Variants in EVL observed in about 807,000 individuals in gnomAD.
EVL encodes the protein Enah/Vasp-like.
A neutral mutation model predicts 59.6 loss-of-function variants in EVL; 21 were observed. That is an observed-to-expected ratio of 0.35 (90% CI 0.25 to 0.51). The LOEUF is 0.51. Among genes scored for constraint, EVL ranks in the 20% least tolerant of loss-of-function variants. The probability of loss-of-function intolerance (pLI) is 0.97; values close to 1 mark genes in which losing one functional copy is unlikely to be tolerated. For synonymous variants in EVL, 198 were observed against 203.5 expected (o/e 0.97, Z 0.23); for missense variants, 462 against 546.6 (o/e 0.85, Z 1.54).
Position 100,128,606 on chromosome 14 carries a change from T to TC in EVL, c.578dup (p.Pro194ThrfsTer104). On this transcript the variant is annotated frameshift_variant, in exon 6 of 14. Coordinates refer to ENST00000392920, the MANE Select transcript of EVL (RefSeq NM_016337.3). LOFTEE classifies it high-confidence loss of function. ...CCTCCACCGCCCCCCCCACCCCCAGTCCCACCTCCACCCACTGGGGCTACC... is the reference window on the plus strand; with the variant it reads ...CCTCCACCGCCCCCCCCACCCCCAGTCCCCACCTCCACCCACTGGGGCTACC... The TC allele has an allele frequency of 1.5e-6, 1 of 688,724 alleles. No individual in the cohort carries two copies. Among genetic ancestry groups the TC allele is most frequent in the Non-Finnish European group, 2.0e-6 (1 of 510,900 alleles). The allele number at this position is 688,724 out of a possible 1,614,324, so 42.7% of individuals were successfully genotyped here. A position where few individuals can be genotyped will look rare whatever the true frequency, so the allele number is the denominator to read the frequency against.
chr14:100,034,069 T>C (rs1775301181), intron 1 of EVL, among the ~76,000 whole-genome samples: 1 of 148,642 alleles, frequency 6.7e-6, no homozygotes, highest in Admixed American at 6.6e-5. Flanking sequence ...CTACTAAAAA[T>C]ACAAACAAAA....
At chr14:100,088,830 G>A (rs1313921968) in intron 2 of EVL, among the ~76,000 whole-genome samples, 1 of 152,154 alleles carries the variant, frequency 6.6e-6, no homozygotes, top group African/African-American at 2.4e-5. Context: ...ATTTTAAAAT[G>A]TTAATCCTTC....
chr14:100,065,222 T>TG (rs1259007834), upstream of EVL: 5 of 206,282 alleles, frequency 2.4e-5, no homozygotes, highest in Non-Finnish European at 1.9e-5. Context: ...TTGCCAGCTG[T>TG]GGGGGGTTGG....
chr14:100,059,137 A>G (rs996732187), intron 1 of EVL, among the ~76,000 whole-genome samples: 1 of 149,852 alleles, frequency 6.7e-6, no homozygotes, highest in African/African-American at 2.5e-5. Context: ...GACAAAAGCA[A>G]CTATGAAACT....
chr14:100,110,428 C>T (rs1377535135), intron 3 of EVL, among the ~76,000 whole-genome samples: 1 of 151,638 alleles, frequency 6.6e-6, no homozygotes, highest in East Asian at 1.9e-4. Flanking sequence ...GTGCCAGCAG[C>T]CATCACGTTG....
Position 100,143,686 on chromosome 14 carries a change from C to T in EVL, c.1220-15C>T, listed in dbSNP as rs765314164. On this transcript the variant is annotated splice_polypyrimidine_tract_variant and intron_variant, in intron 13 of 13. Transcript: ENST00000392920. ...GGTCATGGCTGCACCTGAGCCGCCG[C>T]CACCTGTCCCGCAGCCATCAGGCAG... 2 of 1,611,606 alleles carry T rather than the reference C, an allele frequency of 1.2e-6. No individual in the cohort carries two copies. The highest frequency in any genetic ancestry group is 1.7e-6 in the Non-Finnish European group (2 of 1,179,876).
upstream of EVL, chr14:100,065,390 A>G: frequency 2.5e-6 from 3 of 1,207,264 alleles, no homozygotes; most frequent in Non-Finnish European, 3.2e-6. Flanking sequence ...TAAGTAGGCT[A>G]TAAAAATCAA....
Position 100,127,895 on chromosome 14 carries a change from G to C in EVL, c.488-624G>C, listed in dbSNP as rs1471832551. 1.3e-5 allele frequency among the ~76,000 whole-genome samples: 2 copies of C among 152,246 alleles called. No individual in the cohort carries two copies. The highest frequency in any genetic ancestry group is 2.9e-5 in the Non-Finnish European group (2 of 68,040). ...GTTGACTGTTCCTCATAGGCTGTGA[G>C]CACCCTGAGCAGAGAGCTTGTGGCT... On this transcript the variant is annotated intron_variant, in intron 5 of 13. Transcript: ENST00000392920. This position sits in a 1 kb window ranked among gnomAD's most constrained non-coding sequence, Gnocchi z 4.2.
At chr14:100,038,169 C>T (rs4905931) in intron 1 of EVL, among the ~76,000 whole-genome samples, 93,787 of 152,066 alleles carry the variant, frequency 0.62, 32,381 homozygotes, top group Non-Finnish European at 0.76. Flanking sequence ...GCCTGGCAAC[C>T]AGCTCTGTAG....
At chr14:100,077,589 C>T (rs953114519) in intron 1 of EVL, among the ~76,000 whole-genome samples, 2 of 152,090 alleles carry the variant, frequency 1.3e-5, no homozygotes. Flanking sequence ...CATGAGGAGA[C>T]GTGAAAGCGA....
At position 100,118,027 on chromosome 14, in the gene EVL, A is replaced by C. The variant is rs538295795; in HGVS notation, c.359-5512A>C. Reference sequence around the variant, plus strand: ...AAGTACTGGGAATACAGAGGTGAGCAAAACAGTTATGTCCATGGAGTTAAA... The same window carrying C: ...AAGTACTGGGAATACAGAGGTGAGCCAAACAGTTATGTCCATGGAGTTAAA... On this transcript the variant is annotated intron_variant, in intron 3 of 13. Coordinates refer to ENST00000392920, the MANE Select transcript of EVL (RefSeq NM_016337.3). Among the ~76,000 whole-genome samples, 3 of 152,296 alleles carry C rather than the reference A, an allele frequency of 2.0e-5. No individual in the cohort carries two copies. In the East Asian group the frequency reaches 5.8e-4, roughly 29 times the overall value.
intron 1 of EVL, among the ~76,000 whole-genome samples, chr14:100,077,519 C>G (rs899991785): frequency 6.6e-6 from 1 of 152,174 alleles, no homozygotes; most frequent in East Asian, 1.9e-4. Flanking sequence ...GGAGAGCCAT[C>G]GACATGGGAT....
chr14:99,999,346 A>G (rs149308522), intron 1 of EVL, among the ~76,000 whole-genome samples: 2 of 152,354 alleles, frequency 1.3e-5, no homozygotes, highest in South Asian at 2.1e-4. Context: ...CTATGTGATC[A>G]TGAGCAAATT....
intron 12 of EVL, among the ~76,000 whole-genome samples, 162 bp from the exon 13 acceptor site, chr14:100,141,574 G>A (rs990407285): frequency 3.3e-5 from 5 of 152,168 alleles, no homozygotes; most frequent in Admixed American, 2.0e-4. Flanking sequence ...CTCCCATGCC[G>A]TCCCCCCTCA....
chr14:100,110,100 C>G, intron 3 of EVL, among the ~76,000 whole-genome samples: 1 of 152,196 alleles, frequency 6.6e-6, no homozygotes, highest in East Asian at 1.9e-4. Flanking sequence ...CAATATCAGC[C>G]GTGCACAGTG....
chr14:100,045,810 G>A (rs989954425), intron 1 of EVL, among the ~76,000 whole-genome samples: 1 of 152,200 alleles, frequency 6.6e-6, no homozygotes, highest in Non-Finnish European at 1.5e-5. Context: ...TGCCTAATGG[G>A]CAGAATGAAT....
intron 3 of EVL, among the ~76,000 whole-genome samples, chr14:100,112,521 C>T (rs1337125702): frequency 6.6e-6 from 1 of 152,176 alleles, no homozygotes; most frequent in Admixed American, 6.5e-5. Context: ...ATGCTGTGGC[C>T]CTGGCTGTCT....
chr14:100,111,974 GTTGA>G (rs1288399338), intron 3 of EVL, among the ~76,000 whole-genome samples: 1 of 152,208 alleles, frequency 6.6e-6, no homozygotes. Flanking sequence ...TTGGTCAGAG[GTTGA>G]TTATTATAAA....
chr14:100,003,649 T>C (rs1353006710), intron 1 of EVL, among the ~76,000 whole-genome samples: 1 of 152,118 alleles, frequency 6.6e-6, no homozygotes, highest in Non-Finnish European at 1.5e-5. Flanking sequence ...ACTCCTGACC[T>C]TGGGTGATCA....
Sources: gnomAD v4.1 joint callset for allele counts (sites outside exome capture counted in the v4.1 genomes callset) on GRCh38, gnomAD v4.1.1 for gene constraint, Gnocchi (gnomAD v3.1) non-coding constraint, MANE v1.5 for transcripts, NCBI Gene and HGNC (gene_info 2026-07-23, HGNC 2026-07-21) for gene names.